MVB12B: variants seen among roughly 807,000 people sequenced by gnomAD.
MVB12B encodes the protein multivesicular body subunit 12B.
In MVB12B, 16 loss-of-function variants were observed where a neutral mutation model predicts 41.6. The ratio of observed to expected loss-of-function variants is 0.38; its 90% confidence interval spans 0.26 to 0.58. The LOEUF is 0.58. MVB12B is among the 20% of genes least tolerant of loss of function. MVB12B has a pLI of 0.62. For synonymous variants in MVB12B, 133 were observed against 139.7 expected (o/e 0.95, Z 0.34); for missense variants, 274 against 380.2 (o/e 0.72, Z 2.32).
chr9:126,377,677 G>A (rs1476669468), intron 2 of MVB12B, among the ~76,000 whole-genome samples: 6 of 152,040 alleles, frequency 3.9e-5, no homozygotes, highest in Non-Finnish European at 8.8e-5. Context: ...AAGCAGAACA[G>A]GCACTGCCGT....
chr9:126,393,060 G>A (rs545362387), intron 5 of MVB12B, among the ~76,000 whole-genome samples: 60 of 152,316 alleles, frequency 3.9e-4, no homozygotes, highest in Non-Finnish European at 6.9e-4. Context: ...TTTGTGTCTT[G>A]TTCCTCCAGC....
chr9:126,359,270 A>G (rs1485107055), intron 2 of MVB12B, among the ~76,000 whole-genome samples: 1 of 152,190 alleles, frequency 6.6e-6, no homozygotes, highest in Non-Finnish European at 1.5e-5. Flanking sequence ...CCATGGACAT[A>G]ATAAATTGTC....
chr9:126,371,556 G>T (rs1192755447), intron 2 of MVB12B, among the ~76,000 whole-genome samples: 1 of 152,174 alleles, frequency 6.6e-6, no homozygotes, highest in South Asian at 2.1e-4. Context: ...TCTGTGCCTG[G>T]CATGGCTAAG....
chr9:126,449,782 A>G (rs1347291296), intron 7 of MVB12B, among the ~76,000 whole-genome samples: 1 of 152,206 alleles, frequency 6.6e-6, no homozygotes, highest in Non-Finnish European at 1.5e-5. Context: ...GTTTGGTTTC[A>G]GGAATAATAA....
chr9:126,489,407 G>A (rs1366681616), intron 9 of MVB12B, among the ~76,000 whole-genome samples: 3 of 152,260 alleles, frequency 2.0e-5, no homozygotes, highest in Admixed American at 6.5e-5. Flanking sequence ...AGATGTAGCT[G>A]CCCTGCTCTT....
At chr9:126,454,151 T>C (rs1466259830) in intron 7 of MVB12B, among the ~76,000 whole-genome samples, 1 of 152,236 alleles carries the variant, frequency 6.6e-6, no homozygotes, top group Non-Finnish European at 1.5e-5. Flanking sequence ...TTTTCAAACT[T>C]CAAAGATCAG....
intron 7 of MVB12B, among the ~76,000 whole-genome samples, chr9:126,435,569 A>T (rs1588170711): frequency 6.9e-6 from 1 of 144,656 alleles, no homozygotes. Flanking sequence ...CCTTTAAATG[A>T]TTTTCCTTCT....
chr9:126,328,610 A>T (rs192307643), intron 1 of MVB12B, among the ~76,000 whole-genome samples: 88 of 152,290 alleles, frequency 5.8e-4, no homozygotes, highest in African/African-American at 2.0e-3. Context: ...TATTCATCTC[A>T]TGGGATTATG....
intron 9 of MVB12B, among the ~76,000 whole-genome samples, chr9:126,485,766 A>AAGAC (rs79262339): frequency 6.6e-6 from 1 of 151,752 alleles, no homozygotes; most frequent in Non-Finnish European, 1.5e-5. Flanking sequence ...CCTAATAAAA[A>AAGAC]AGAAACCCAG....
At chr9:126,430,257 G>A (rs1236282486) in intron 7 of MVB12B, among the ~76,000 whole-genome samples, 1 of 152,116 alleles carries the variant, frequency 6.6e-6, no homozygotes, top group Non-Finnish European at 1.5e-5. Flanking sequence ...CCTGCCTGGT[G>A]TTGGGGCTGT....
chr9:126,455,375 A>G lies in MVB12B; in HGVS notation c.758-25994A>G, dbSNP rs542379922. ...GCTAATTTTTGTATTTTTAGTAGAG[A>G]CGGGGTTTCACCATGTTGGCCAGGA... On this transcript the variant is annotated intron_variant, in intron 7 of 9. Transcript: ENST00000361171. Among the ~76,000 whole-genome samples, 149 of 151,144 alleles carry G rather than the reference A, an allele frequency of 9.9e-4. 1 individual carries two copies. Among genetic ancestry groups the G allele is most frequent in the Non-Finnish European group, 1.8e-3 (122 of 67,858 alleles).
At chr9:126,419,608 C>T (rs59467985) in intron 6 of MVB12B, among the ~76,000 whole-genome samples, 34,436 of 152,014 alleles carry the variant, frequency 0.23, 4,229 homozygotes, top group South Asian at 0.27. Context: ...CAACCACAAC[C>T]ACAGTCGATA....
chr9:126,451,920 C>T (rs2119161369), intron 7 of MVB12B, among the ~76,000 whole-genome samples: 1 of 152,316 alleles, frequency 6.6e-6, no homozygotes, highest in South Asian at 2.1e-4. Context: ...AAATTTCATG[C>T]AGGTTGTCTG....
chr9:126,399,835 G>A (rs777209414), intron 6 of MVB12B, among the ~76,000 whole-genome samples: 4 of 152,190 alleles, frequency 2.6e-5, no homozygotes, highest in Non-Finnish European at 5.9e-5. Context: ...GAGTCATTAG[G>A]GTGAGCTGAC....
At position 126,369,748 on chromosome 9, in the gene MVB12B, G is replaced by C. The variant is rs1026817545; in HGVS notation, c.205-11316G>C. 3.9e-5 allele frequency among the ~76,000 whole-genome samples: 6 copies of C among 152,294 alleles called. No individual in the cohort carries two copies. The South Asian group carries it at 6.2e-4, about 16-fold the overall frequency. Reference sequence around the variant, plus strand: ...AGCTCACTGCAACCTCCGCCTTCCAGGTTCAAATGATTCTTCTGCCTCAGC... The same window carrying C: ...AGCTCACTGCAACCTCCGCCTTCCACGTTCAAATGATTCTTCTGCCTCAGC... On this transcript the variant is annotated intron_variant, in intron 2 of 9. Coordinates refer to ENST00000361171, the MANE Select transcript of MVB12B (RefSeq NM_033446.3).
chr9:126,407,570 G>T (rs1831479709), intron 6 of MVB12B, among the ~76,000 whole-genome samples: 1 of 151,976 alleles, frequency 6.6e-6, no homozygotes, highest in Non-Finnish European at 1.5e-5. Flanking sequence ...CCCAAAATTG[G>T]CCTTGTTGGT....
intron 7 of MVB12B, among the ~76,000 whole-genome samples, chr9:126,463,673 G>A (rs907249542): frequency 6.6e-6 from 1 of 152,092 alleles, no homozygotes; most frequent in Admixed American, 6.5e-5. Context: ...GTCCCCTGAG[G>A]GGTCACCTCC....
rs546737393 is a variant in MVB12B, at chr9:126,341,823, C to G, written c.204+1193C>G. Among the ~76,000 whole-genome samples the G allele has an allele frequency of 2.0e-5, 3 of 152,278 alleles. No homozygotes were observed. In the South Asian group the frequency reaches 6.2e-4, roughly 32 times the overall value. On this transcript the variant is annotated intron_variant, in intron 2 of 9. Transcript: ENST00000361171. ...AGATGTCTCCAGGAGCAGGGGGTGG[C>G]TGGGCAGAATCACCCCCCATTGAGA... is the stretch of plus-strand genomic sequence containing the variant.
Position 126,461,319 on chromosome 9 carries a change from G to A in MVB12B, c.758-20050G>A, listed in dbSNP as rs111910102. The stretch of plus-strand genomic sequence containing the variant: ...ATCACGCTGCTGGAGAGGAGCTTGC[G>A]TAGATTCCCAAGTTTGTAATTAAAA... On this transcript the variant is annotated intron_variant, in intron 7 of 9. Transcript: ENST00000361171. Among the ~76,000 whole-genome samples, 758 of 152,224 alleles carry A rather than the reference G, an allele frequency of 5.0e-3. 9 individuals carry two copies. The highest frequency in any genetic ancestry group is 0.017 in the African/African-American group (726 of 41,514).
Sources: allele counts gnomAD v4.1 joint callset (sites outside exome capture counted in the v4.1 genomes callset), GRCh38; gene constraint gnomAD v4.1.1; transcripts MANE v1.5; gene names NCBI Gene and HGNC (gene_info 2026-07-23, HGNC 2026-07-21).